Variants in MACROD2 observed in about 807,000 individuals in gnomAD.
MACROD2 encodes ADP-ribose glycohydrolase MACROD2.
MACROD2 carries 36 observed loss-of-function variants against 70.4 expected under a neutral mutation model. The ratio of observed to expected loss-of-function variants is 0.51; its 90% CI spans 0.39 to 0.68. The LOEUF (loss-of-function observed/expected upper bound fraction) is 0.68. Ranked by LOEUF, MACROD2 falls within the 30% of genes least tolerant of loss-of-function variation. The pLI, the probability that MACROD2 is intolerant of heterozygous loss-of-function variation, is 0.00. For missense variants in MACROD2, 496 were observed against 538.4 expected (o/e 0.92, Z 0.78); for synonymous variants, 172 against 178.8 (o/e 0.96, Z 0.30).
At chr20:14,345,511 G>GT (rs879691055) in intron 3 of MACROD2, among the ~76,000 whole-genome samples, 2,894 of 147,816 alleles carry the variant, frequency 0.02, 29 homozygotes, top group African/African-American at 0.029. Context: ...TTATTTGAAG[G>GT]TTTTTTTTTT....
chr20:15,165,948 A>G (rs945704891), intron 5 of MACROD2, among the ~76,000 whole-genome samples: 4 of 152,328 alleles, frequency 2.6e-5, no homozygotes, highest in Middle Eastern at 3.4e-3. Flanking sequence ...ATATTACAAC[A>G]TAGATGAACC....
At chr20:14,808,253 A>G (rs1272098169) in intron 5 of MACROD2, among the ~76,000 whole-genome samples, 1 of 152,152 alleles carries the variant, frequency 6.6e-6, no homozygotes, top group African/African-American at 2.4e-5. Context: ...AAACTCTACA[A>G]TACAGAAGAG....
chr20:15,087,338 T>C (rs1053691976), intron 5 of MACROD2, among the ~76,000 whole-genome samples: 2 of 152,040 alleles, frequency 1.3e-5, no homozygotes, highest in African/African-American at 4.8e-5. Flanking sequence ...TACTATAATC[T>C]AAATACCATG....
At chr20:15,951,831 A>G (rs1005870337) in intron 12 of MACROD2, among the ~76,000 whole-genome samples, 10 of 152,196 alleles carry the variant, frequency 6.6e-5, no homozygotes, top group Non-Finnish European at 1.5e-5. Flanking sequence ...CGTAAATGTT[A>G]TCTATGCCAA....
intron 2 of MACROD2, among the ~76,000 whole-genome samples, chr20:14,009,516 G>A (rs912965438): frequency 3.3e-5 from 5 of 152,088 alleles, no homozygotes; most frequent in Admixed American, 3.3e-4. Context: ...ACTGTTGGTG[G>A]GAATGTAAAT....
At chr20:15,029,667 A>T (rs1417140013) in intron 5 of MACROD2, among the ~76,000 whole-genome samples, 2 of 152,120 alleles carry the variant, frequency 1.3e-5, no homozygotes, top group Non-Finnish European at 2.9e-5. Context: ...AATGAAGACC[A>T]CTTCATTTCA....
rs77056915 is a variant in MACROD2, at chr20:15,612,627, A to G, written c.645+112780A>G. On this transcript the variant is annotated intron_variant, in intron 8 of 17. Coordinates refer to ENST00000684519, the MANE Select transcript of MACROD2 (RefSeq NM_001351661.2). ...CTCTGCTGCCACTAAAGCTTTAGCTATTCATCAGGGGCAATGGAATTAGAG... is the reference window on the plus strand; with the variant it reads ...CTCTGCTGCCACTAAAGCTTTAGCTGTTCATCAGGGGCAATGGAATTAGAG... Among the ~76,000 whole-genome samples the G allele has an allele frequency of 7.4e-3, 1,121 of 152,360 alleles. 8 individuals are homozygous for G. The highest frequency in any genetic ancestry group is 0.013 in the Non-Finnish European group (899 of 68,024).
At chr20:15,271,813 T>C (rs1260618586) in intron 6 of MACROD2, among the ~76,000 whole-genome samples, 1 of 152,174 alleles carries the variant, frequency 6.6e-6, no homozygotes, top group Non-Finnish European at 1.5e-5. Flanking sequence ...GGTGAAGCCA[T>C]CCAGGAATAG....
intron 3 of MACROD2, among the ~76,000 whole-genome samples, chr20:14,461,663 ACC>A (rs893985593): frequency 2.2e-5 from 2 of 91,462 alleles, no homozygotes; most frequent in African/African-American, 8.5e-5. Flanking sequence ...CCCCACCCCC[ACC>A]CCACAACAGT....
intron 8 of MACROD2, among the ~76,000 whole-genome samples, chr20:15,860,230 C>T (rs1035638986): frequency 6.6e-6 from 1 of 151,782 alleles, no homozygotes; most frequent in Non-Finnish European, 1.5e-5. Flanking sequence ...CACTCATGCA[C>T]ATATTTATAC....
chr20:15,939,498 A>G (rs1470469752), intron 12 of MACROD2, among the ~76,000 whole-genome samples: 1 of 152,046 alleles, frequency 6.6e-6, no homozygotes, highest in Non-Finnish European at 1.5e-5. Flanking sequence ...TTTTAAGCCC[A>G]CTGTTGAGAC....
chr20:15,882,898 T>C (rs1342581664), intron 9 of MACROD2, among the ~76,000 whole-genome samples: 4 of 152,052 alleles, frequency 2.6e-5, no homozygotes, highest in Non-Finnish European at 5.9e-5. Flanking sequence ...TGTTATGTTC[T>C]ACATACAAGA....
chr20:14,207,487 A>G (rs2081534327), intron 3 of MACROD2, among the ~76,000 whole-genome samples: 1 of 152,194 alleles, frequency 6.6e-6, no homozygotes, highest in Non-Finnish European at 1.5e-5. Flanking sequence ...AAGCAGTTAG[A>G]GGAACTTTTA....
chr20:14,635,166 C>T (rs1179995481), intron 4 of MACROD2, among the ~76,000 whole-genome samples: 1 of 152,194 alleles, frequency 6.6e-6, no homozygotes, highest in Non-Finnish European at 1.5e-5. Flanking sequence ...CACAGTTATA[C>T]AATCAGTGTT....
chr20:15,035,024 T>C (rs2075302827), intron 5 of MACROD2, among the ~76,000 whole-genome samples: 1 of 152,184 alleles, frequency 6.6e-6, no homozygotes, highest in Admixed American at 6.5e-5. Context: ...TCTTTTGATA[T>C]GCATTCATGC....
intron 8 of MACROD2, among the ~76,000 whole-genome samples, chr20:15,610,989 A>ATTTTTTT (rs1600665066): frequency 2.1e-4 from 17 of 79,868 alleles, no homozygotes; most frequent in Non-Finnish European, 3.6e-4. Context: ...TTAGCCAAAA[A>ATTTTTTT]TCTTTTTTTT....
At chr20:14,084,240 CAT>C (rs1477484702) in intron 2 of MACROD2, among the ~76,000 whole-genome samples, 2 of 151,520 alleles carry the variant, frequency 1.3e-5, no homozygotes, top group African/African-American at 2.4e-5. Context: ...TTAGGTGACT[CAT>C]AACCTATCAC....
intron 8 of MACROD2, among the ~76,000 whole-genome samples, chr20:15,596,913 T>C (rs931324598): frequency 2.0e-5 from 3 of 152,204 alleles, no homozygotes; most frequent in Admixed American, 1.3e-4. Context: ...TTTTCCCGGC[T>C]TAATAGGATG....
intron 8 of MACROD2, among the ~76,000 whole-genome samples, chr20:15,618,494 C>G (rs2049073715): frequency 6.6e-6 from 1 of 152,202 alleles, no homozygotes; most frequent in Admixed American, 6.5e-5. Flanking sequence ...ACTCCAAGCT[C>G]TAATTCATAT....
Sources: gnomAD v4.1 joint callset for allele counts (sites outside exome capture counted in the v4.1 genomes callset) on GRCh38, gnomAD v4.1.1 for gene constraint, MANE v1.5 for transcripts, NCBI Gene and HGNC (gene_info 2026-07-23, HGNC 2026-07-21) for gene names.